PCDHGA1: variants seen among roughly 807,000 people sequenced by gnomAD.
PCDHGA1 encodes protocadherin gamma-A1.
Under a neutral mutation model 58.0 loss-of-function variants are expected in PCDHGA1, and 32 were observed. That is an observed-to-expected ratio of 0.55 (90% confidence interval 0.42 to 0.74). PCDHGA1 has a LOEUF of 0.74. PCDHGA1 is among the 30% of genes least tolerant of loss of function. The probability of loss-of-function intolerance (pLI) is 0.00; values close to 1 mark genes in which losing one functional copy is unlikely to be tolerated. For missense variants in PCDHGA1, 1,205 were observed against 1,182.3 expected (o/e 1.02, Z -0.28); for synonymous variants, 498 against 501.1 (o/e 0.99, Z 0.08).
intron 1 of PCDHGA1, among the ~76,000 whole-genome samples, chr5:141,402,058 TA>T: frequency 6.6e-6 from 1 of 152,304 alleles, no homozygotes; most frequent in South Asian, 2.1e-4. Flanking sequence ...ATATTCACAT[TA>T]AAAAACTAAG....
chr5:141,367,367 T>G (rs947999999), intron 1 of PCDHGA1: 3 of 151,876 alleles, frequency 2.0e-5, no homozygotes, highest in African/African-American at 7.3e-5. Flanking sequence ...TGAAACCCTG[T>G]TCTACTAAAA....
chr5:141,355,979 G>A (rs1277093940), intron 1 of PCDHGA1: 28 of 1,613,680 alleles, frequency 1.7e-5, no homozygotes, highest in Non-Finnish European at 2.1e-5. Context: ...GTAGGCACTC[G>A]GCTACTCACC....
chr5:141,350,396 G>T, intron 1 of PCDHGA1: 1 of 1,599,342 alleles, frequency 6.3e-7, no homozygotes, highest in African/African-American at 1.3e-5. Context: ...CTCACGGGTG[G>T]GGAAACTTGC....
intron 1 of PCDHGA1, chr5:141,351,952 G>T (rs1205013199): frequency 1.2e-6 from 2 of 1,613,070 alleles, no homozygotes; most frequent in Middle Eastern, 1.7e-4. Context: ...CCGCGCTGGG[G>T]CCTGATGGCT....
In PCDHGA1 at chr5:141,476,299, C is replaced by G; in HGVS notation, c.2422-18508C>G. On this transcript the variant is annotated intron_variant, in intron 1 of 3. Transcript: ENST00000517417. This position sits in a 1 kb window ranked among gnomAD's most constrained non-coding sequence, Gnocchi z 7.6. The stretch of plus-strand genomic sequence containing the variant: ...ACCTTGGTTTGGATCTCGGTAGCCT[C>G]TCAGCCCGCAGGTTCCGGGTGGTGT... The G allele has an allele frequency of 6.2e-7, 1 of 1,614,100 alleles. No individual in the cohort carries two copies. The highest frequency in any genetic ancestry group is 8.5e-7 in the Non-Finnish European group (1 of 1,180,014).
intron 1 of PCDHGA1, chr5:141,364,284 C>G: frequency 6.6e-7 from 1 of 1,517,046 alleles, no homozygotes; most frequent in South Asian, 1.4e-5. Context: ...AATAAGGAAA[C>G]AGCAGGCTGA....
At chr5:141,357,102 C>G (rs550336095) in intron 1 of PCDHGA1, 1 of 1,613,864 alleles carries the variant, frequency 6.2e-7, no homozygotes, top group Non-Finnish European at 8.5e-7. Context: ...CCCTGCTGGA[C>G]AGAGACGCGC....
intron 1 of PCDHGA1, chr5:141,371,021 C>T (rs1767401708): frequency 1.2e-6 from 2 of 1,614,026 alleles, no homozygotes; most frequent in South Asian, 2.2e-5. Flanking sequence ...CACATCACCA[C>T]CTGGTCCTCA....
chr5:141,384,419 T>G, intron 1 of PCDHGA1: 1 of 1,613,944 alleles, frequency 6.2e-7, no homozygotes, highest in Non-Finnish European at 8.5e-7. Context: ...TATGTCTCCA[T>G]AAACTCTGAC....
intron 1 of PCDHGA1, chr5:141,408,623 G>T: frequency 6.2e-7 from 1 of 1,614,004 alleles, no homozygotes; most frequent in Non-Finnish European, 8.5e-7. Context: ...AATACATTTA[G>T]AAATTTTCGA....
At chr5:141,398,375 A>C in intron 1 of PCDHGA1, 2 of 1,437,542 alleles carry the variant, frequency 1.4e-6, no homozygotes, top group East Asian at 4.7e-5. Flanking sequence ...GAGAGCGGGG[A>C]GTTGCTTGTG....
intron 1 of PCDHGA1, chr5:141,410,503 A>G: frequency 6.2e-7 from 1 of 1,613,958 alleles, no homozygotes; most frequent in Non-Finnish European, 8.5e-7. Context: ...TTAATTTCCT[A>G]AAATGCAGTG....
chr5:141,476,416 A>C lies in PCDHGA1; in HGVS notation c.2422-18391A>C, dbSNP rs2099391138. On this transcript the variant is annotated intron_variant, in intron 1 of 3. Coordinates refer to ENST00000517417, the MANE Select transcript of PCDHGA1 (RefSeq NM_018912.3). The surrounding 1 kb of genome is among the most constrained non-coding windows in gnomAD (Gnocchi z 7.6). ...TGGATCGAGAGGAGCTGTGTGGGACACTGCCCTCTTGCACTGTAACTCTGG... is the reference window on the plus strand; with the variant it reads ...TGGATCGAGAGGAGCTGTGTGGGACCCTGCCCTCTTGCACTGTAACTCTGG... 6.2e-7 allele frequency: 1 copy of C among 1,614,056 alleles called. No homozygotes were observed. The highest frequency in any genetic ancestry group is 8.5e-7 in the Non-Finnish European group (1 of 1,179,994).
At chr5:141,370,708 A>G in intron 1 of PCDHGA1, 6 of 1,613,778 alleles carry the variant, frequency 3.7e-6, no homozygotes, top group Non-Finnish European at 5.1e-6. Context: ...TGTGTTCTGG[A>G]ATTTGAAATG....
At chr5:141,415,266 G>T in intron 1 of PCDHGA1, 1 of 1,614,218 alleles carries the variant, frequency 6.2e-7, no homozygotes, top group Non-Finnish European at 8.5e-7. Flanking sequence ...CTCTGTACCT[G>T]GTGGTAGCGG....
chr5:141,430,975 G>A (rs776670383), intron 1 of PCDHGA1: 2 of 1,613,208 alleles, frequency 1.2e-6, no homozygotes, highest in Admixed American at 1.7e-5. Flanking sequence ...GAGGTAGGAC[G>A]CAGCTTTTCG....
intron 1 of PCDHGA1, among the ~76,000 whole-genome samples, chr5:141,463,721 C>T (rs1012411825): frequency 1.3e-5 from 2 of 152,046 alleles, no homozygotes; most frequent in Non-Finnish European, 2.9e-5. Flanking sequence ...GCTGGGATTA[C>T]AGGCATGAGC....
In PCDHGA1 at chr5:141,408,826, T is replaced by C. The variant is rs138252575; in HGVS notation, c.2421+75721T>C. ...TAGACCGGGAAGAACAGAGATCTCA[T>C]AGCTTGATATTGACTGCCTTGGACG... On this transcript the variant is annotated intron_variant, in intron 1 of 3. Coordinates refer to ENST00000517417, the MANE Select transcript of PCDHGA1 (RefSeq NM_018912.3). The C allele has an allele frequency of 6.1e-5, 98 of 1,613,582 alleles. No homozygotes were observed. The African/African-American group carries it at 9.9e-4, about 16-fold the overall frequency.
chr5:141,459,939 G>A (rs377668643), intron 1 of PCDHGA1, among the ~76,000 whole-genome samples: 7 of 152,256 alleles, frequency 4.6e-5, no homozygotes, highest in Non-Finnish European at 7.4e-5. Flanking sequence ...GTAGCTGGGC[G>A]TGATGGCAGG....
Sources: gnomAD v4.1 joint callset for allele counts (sites outside exome capture counted in the v4.1 genomes callset) on GRCh38, gnomAD v4.1.1 for gene constraint, Gnocchi (gnomAD v3.1) non-coding constraint, MANE v1.5 for transcripts, NCBI Gene and HGNC (gene_info 2026-07-23, HGNC 2026-07-21) for gene names.